Variants in FBN2 observed in about 807,000 individuals in gnomAD.
FBN2 encodes the protein fibrillin 2.
A neutral mutation model predicts 355.6 loss-of-function variants in FBN2; 105 were observed. That is an observed-to-expected ratio of 0.30 (90% CI 0.25 to 0.35). The LOEUF is 0.35. Among genes scored for constraint, FBN2 ranks in the 10% least tolerant of loss-of-function variants. FBN2 has a pLI of 1.00. For synonymous variants in FBN2, 1,350 were observed against 1,301.2 expected (o/e 1.04, Z -0.81); for missense variants, 3,280 against 3,758.7 (o/e 0.87, Z 3.33).
intron 8 of FBN2, among the ~76,000 whole-genome samples, chr5:128,397,092 C>T (rs1752671700): frequency 6.6e-6 from 1 of 152,072 alleles, no homozygotes; most frequent in Non-Finnish European, 1.5e-5. Context: ...CCAGTAAGAC[C>T]CAAAACCGAG....
At chr5:128,486,887 T>C (rs777659952) in intron 5 of FBN2, among the ~76,000 whole-genome samples, 10 of 152,130 alleles carry the variant, frequency 6.6e-5, no homozygotes, top group African/African-American at 2.2e-4. Context: ...GTCCTTGTGA[T>C]AGTTTGCTCA....
chr5:128,347,412 C>T (rs1751211242), intron 23 of FBN2, among the ~76,000 whole-genome samples: 1 of 152,162 alleles, frequency 6.6e-6, no homozygotes, highest in African/African-American at 2.4e-5. Context: ...TAAGGCCTAT[C>T]AATGCTGCGA....
intron 29 of FBN2, 38 bp downstream of exon 29, chr5:128,335,417 G>A (rs751634708): frequency 3.1e-6 from 5 of 1,613,758 alleles, no homozygotes; most frequent in Non-Finnish European, 4.2e-6. Context: ...GAAAAAATTA[G>A]TTAGATGTAC....
intron 7 of FBN2, among the ~76,000 whole-genome samples, chr5:128,421,987 C>G (rs953243403): frequency 1.3e-5 from 2 of 152,096 alleles, no homozygotes; most frequent in African/African-American, 4.8e-5. Context: ...AATAGAGTGT[C>G]AGATTGAGAG....
chr5:128,273,973 C>A lies in FBN2; in HGVS notation c.7712-5G>T. The A allele has an allele frequency of 6.2e-7, 1 of 1,613,786 alleles. No homozygotes were observed. Among genetic ancestry groups the A allele is most frequent in the Non-Finnish European group, 8.5e-7 (1 of 1,179,856 alleles). On this transcript the variant is annotated splice_region_variant and splice_polypyrimidine_tract_variant and intron_variant, in intron 60 of 64. Coordinates refer to ENST00000262464, the MANE Select transcript of FBN2 (RefSeq NM_001999.4). Reference sequence around the variant, plus strand: ...GAGACCCACATTCGTTGTTGTCTGGCAAAGCATCAAGAAGCAGAGCGTCAA... The same window carrying A: ...GAGACCCACATTCGTTGTTGTCTGGAAAAGCATCAAGAAGCAGAGCGTCAA...
At chr5:128,284,348 C>T (rs560217001) in intron 55 of FBN2, among the ~76,000 whole-genome samples, 14 of 152,260 alleles carry the variant, frequency 9.2e-5, no homozygotes, top group African/African-American at 2.6e-4. Flanking sequence ...AGATTGCTAA[C>T]ATTCATAGTC....
At chr5:128,308,058 A>G (rs1749931439) in intron 41 of FBN2, among the ~76,000 whole-genome samples, 3 of 152,114 alleles carry the variant, frequency 2.0e-5, no homozygotes, top group Admixed American at 6.6e-5. Context: ...AATCTCCCTA[A>G]TTGTCATTGC....
At position 128,374,668 on chromosome 5, in the gene FBN2, G is replaced by T. The variant is rs763174325; in HGVS notation, c.2055C>A (p.Pro685=). 6.2e-7 allele frequency: 1 copy of T among 1,613,926 alleles called. No individual in the cohort carries two copies. The highest frequency in any genetic ancestry group is 8.5e-7 in the Non-Finnish European group (1 of 1,179,904). Residue 685 remains proline (P), a synonymous_variant, in exon 15 of 65, where the codon CCC becomes CCA. Coordinates refer to ENST00000262464, the MANE Select transcript of FBN2 (RefSeq NM_001999.4). ...NSEGSFRCDC[P]PGLAVGMDGR... is the part of the protein sequence containing the mutation. ...CATCCATGCCCACAGCCAGGCCTGG[G>T]GGACAGTCACAGCGGAAGGACCCTT...
chr5:128,334,659 G>T, intron 31 of FBN2, 60 bp downstream of exon 31: 1 of 1,588,384 alleles, frequency 6.3e-7, no homozygotes. Context: ...AAATGATGTT[G>T]AAAGTTGGCC....
At chr5:128,322,275 G>T (rs1750399671) in intron 34 of FBN2, among the ~76,000 whole-genome samples, 1 of 152,096 alleles carries the variant, frequency 6.6e-6, no homozygotes, top group Admixed American at 6.5e-5. Flanking sequence ...CTGTGCACAA[G>T]CTCTTTAGTT....
At chr5:128,528,448 G>GACT (rs1253605191) in intron 3 of FBN2, among the ~76,000 whole-genome samples, 1 of 152,174 alleles carries the variant, frequency 6.6e-6, no homozygotes, top group Non-Finnish European at 1.5e-5. Context: ...TTGTGAAGGA[G>GACT]ACTAGTCTGG....
Position 128,392,135 on chromosome 5 carries a change from C to A in FBN2, c.1486G>T (p.Asp496Tyr). ...AGGTTAGCATGATGCTTACAGATATCTATTGTCTGGTTCAGAATTGCTACG... is the reference window on the plus strand; with the variant it reads ...AGGTTAGCATGATGCTTACAGATATATATTGTCTGGTTCAGAATTGCTACG... ...TGLTILNQTIDICKHHANLCL... is the reference protein window; with the variant it reads ...TGLTILNQTIYICKHHANLCL... Residue 496 changes from aspartate (D) to tyrosine (Y), a missense_variant, in exon 11 of 65, where the codon GAT becomes TAT. By Grantham distance (160) the Asp-to-Tyr change is radical. Coordinates refer to ENST00000262464, the MANE Select transcript of FBN2 (RefSeq NM_001999.4). The A allele has an allele frequency of 1.2e-6, 2 of 1,613,518 alleles. No homozygotes were observed. Among genetic ancestry groups the A allele is most frequent in the Non-Finnish European group, 1.7e-6 (2 of 1,179,608 alleles).
chr5:128,305,615 C>T lies in FBN2; in HGVS notation c.5570G>A (p.Gly1857Asp), dbSNP rs1450254210. The T allele has an allele frequency of 1.9e-6, 3 of 1,613,832 alleles. No homozygotes were observed. The highest frequency in any genetic ancestry group is 1.7e-6 in the Non-Finnish European group (2 of 1,179,882). Residue 1857 changes from glycine to aspartate, a missense_variant, in exon 44 of 65, where the codon GGT (glycine) becomes GAT (aspartate). By Grantham distance (94) the Gly-to-Asp change is moderately conservative (BLOSUM62 -1). Transcript: ENST00000262464. ...TGCATTCCGCTGGCAGAGATTATCACCATTGCTGCACTCATCTATATCTGA... is the reference window on the plus strand; with the variant it reads ...TGCATTCCGCTGGCAGAGATTATCATCATTGCTGCACTCATCTATATCTGA... ...VCEDIDECSN[G>D]DNLCQRNADC...
At chr5:128,489,895 G>A (rs1240850832) in intron 5 of FBN2, among the ~76,000 whole-genome samples, 1 of 152,136 alleles carries the variant, frequency 6.6e-6, no homozygotes, top group Non-Finnish European at 1.5e-5. Flanking sequence ...ACAGATGTAG[G>A]AGCATACATC....
At chr5:128,430,082 G>A (rs1417031508) in intron 7 of FBN2, among the ~76,000 whole-genome samples, 1 of 151,862 alleles carries the variant, frequency 6.6e-6, no homozygotes, top group Non-Finnish European at 1.5e-5. Context: ...TAATATTTTA[G>A]TTATTTTTCT....
intron 25 of FBN2, among the ~76,000 whole-genome samples, chr5:128,341,079 C>G (rs930723009): frequency 1.3e-5 from 2 of 152,124 alleles, no homozygotes; most frequent in African/African-American, 4.8e-5. Context: ...ACTAAAAGCC[C>G]CCAGCATGGG....
chr5:128,537,073 G>T (rs897484804), intron 1 of FBN2, among the ~76,000 whole-genome samples: 1 of 151,950 alleles, frequency 6.6e-6, no homozygotes, highest in Non-Finnish European at 1.5e-5. Flanking sequence ...TTCCCGCAGC[G>T]CGAGCTCTGC....
At chr5:128,465,122 G>A (rs1407892499) in intron 5 of FBN2, among the ~76,000 whole-genome samples, 27 of 152,168 alleles carry the variant, frequency 1.8e-4, no homozygotes, top group Admixed American at 1.6e-3. Context: ...TTCCACACTA[G>A]ACACTGTAAA....
rs1034803065 is a variant in FBN2, at chr5:128,423,741, G to A, written c.953-14942C>T. On this transcript the variant is annotated intron_variant, in intron 7 of 64. Transcript: ENST00000262464. The stretch of plus-strand genomic sequence containing the variant: ...ATCCTGAGAATGGGAGATCCACATA[G>A]GAAAGTGACATGACCAAACTTGTGA... Among the ~76,000 whole-genome samples, 5 of 152,260 alleles carry A rather than the reference G, an allele frequency of 3.3e-5. No individual in the cohort carries two copies. In the East Asian group the frequency reaches 7.7e-4, roughly 24 times the overall value.
Sources: gnomAD v4.1 joint callset for allele counts (sites outside exome capture counted in the v4.1 genomes callset) on GRCh38, gnomAD v4.1.1 for gene constraint, MANE v1.5 for transcripts, NCBI Gene and HGNC (gene_info 2026-07-23, HGNC 2026-07-21) for gene names.